The following SWAP70 variants were observed in gnomAD, a reference collection of about 807,000 sequenced individuals.
SWAP70 encodes switching B cell complex subunit SWAP70, also known as switch-associated protein 70.
In SWAP70, 34 loss-of-function variants were observed where a neutral mutation model predicts 80.2. The ratio of observed to expected loss-of-function variants is 0.42; its 90% CI spans 0.32 to 0.56. The LOEUF is 0.56. SWAP70 is among the 20% of genes least tolerant of loss of function. SWAP70 has a pLI of 0.09. For synonymous variants in SWAP70, 239 were observed against 238.5 expected, an observed-to-expected ratio of 1.00 and a Z score of -0.02; for missense variants, 578 against 690.7, an observed-to-expected ratio of 0.84 and a Z score of 1.83.
At chr11:9,743,440 G>A (rs1477908853) in intron 9 of SWAP70, among the ~76,000 whole-genome samples, 4 of 151,764 alleles carry the variant, frequency 2.6e-5, no homozygotes, top group Non-Finnish European at 4.4e-5. Flanking sequence ...GGGTCAAATG[G>A]TATTTCTAAT....
At chr11:9,671,557 TATAAATATATTTATATAG>T (rs1346745564) in intron 1 of SWAP70, among the ~76,000 whole-genome samples, 4 of 84,074 alleles carry the variant, frequency 4.8e-5, no homozygotes, top group Admixed American at 1.9e-4. Context: ...TAGAAATATA[TATAAATATATTTATATAG>T]AAATATATTT....
intron 3 of SWAP70, among the ~76,000 whole-genome samples, chr11:9,714,286 T>A (rs933405850): frequency 5.3e-5 from 8 of 152,104 alleles, no homozygotes; most frequent in African/African-American, 1.7e-4. Flanking sequence ...TAAAAAAAAG[T>A]CATCTATAAT....
chr11:9,714,636 G>A (rs1851041312), intron 3 of SWAP70, among the ~76,000 whole-genome samples: 1 of 152,128 alleles, frequency 6.6e-6, no homozygotes, highest in Admixed American at 6.5e-5. Flanking sequence ...TTGGCCAATA[G>A]TGAAGGCAGA....
intron 3 of SWAP70, among the ~76,000 whole-genome samples, chr11:9,723,413 C>G (rs1235528987): frequency 6.6e-6 from 1 of 152,148 alleles, no homozygotes; most frequent in East Asian, 1.9e-4. Flanking sequence ...AAAAAAAATG[C>G]TGGTTGCTGC....
intron 6 of SWAP70, among the ~76,000 whole-genome samples, chr11:9,730,494 C>A (rs930534217): frequency 6.6e-6 from 1 of 152,098 alleles, no homozygotes; most frequent in Non-Finnish European, 1.5e-5. Flanking sequence ...TGTGTATGCA[C>A]ACACTACAAC....
At chr11:9,727,605 C>T (rs1187028183) in intron 4 of SWAP70, among the ~76,000 whole-genome samples, 1 of 152,170 alleles carries the variant, frequency 6.6e-6, no homozygotes, top group Non-Finnish European at 1.5e-5. Context: ...GTATAATGAA[C>T]TCCCACATAT....
chr11:9,739,293 A>G (rs1318883703), intron 8 of SWAP70, among the ~76,000 whole-genome samples: 1 of 152,170 alleles, frequency 6.6e-6, no homozygotes, highest in African/African-American at 2.4e-5. Flanking sequence ...TGCATGTGAC[A>G]TTTCCTCTAG....
intron 7 of SWAP70, among the ~76,000 whole-genome samples, chr11:9,733,146 A>G (rs1035798688): frequency 6.6e-6 from 1 of 152,192 alleles, no homozygotes; most frequent in Non-Finnish European, 1.5e-5. Context: ...GTTTGGAGTT[A>G]AAGATACAGT....
At chr11:9,683,954 G>A (rs1850600124) in intron 1 of SWAP70, among the ~76,000 whole-genome samples, 1 of 152,166 alleles carries the variant, frequency 6.6e-6, no homozygotes, top group African/African-American at 2.4e-5. Context: ...AGGTTGGTGA[G>A]AAGGTGGGGC....
chr11:9,671,200 T>A (rs1480345952), intron 1 of SWAP70, among the ~76,000 whole-genome samples: 1 of 94,300 alleles, frequency 1.1e-5, no homozygotes, highest in African/African-American at 4.5e-5. Flanking sequence ...ATAAAATATA[T>A]TTATAAATAT....
chr11:9,690,647 G>A (rs563748064), intron 1 of SWAP70, among the ~76,000 whole-genome samples: 1 of 152,022 alleles, frequency 6.6e-6, no homozygotes, highest in African/African-American at 2.4e-5. Flanking sequence ...GGCACTTTGG[G>A]AGGCTGAGGT....
intron 4 of SWAP70, among the ~76,000 whole-genome samples, chr11:9,726,408 T>C (rs1851226101): frequency 6.6e-6 from 1 of 152,214 alleles, no homozygotes; most frequent in Non-Finnish European, 1.5e-5. Flanking sequence ...TTCTTTTTTT[T>C]CCTAATGGAG....
chr11:9,676,723 T>C (rs572894679), intron 1 of SWAP70, among the ~76,000 whole-genome samples: 124 of 151,426 alleles, frequency 8.2e-4, no homozygotes, highest in African/African-American at 2.7e-3. Flanking sequence ...AATCTCGGCT[T>C]ACTGCAAGCT....
intron 6 of SWAP70, among the ~76,000 whole-genome samples, chr11:9,731,182 TA>T (rs1351573353): frequency 4.6e-5 from 7 of 152,188 alleles, no homozygotes; most frequent in Non-Finnish European, 7.4e-5. Context: ...TGGTAAAGAA[TA>T]AAATGCAATA....
intron 1 of SWAP70, among the ~76,000 whole-genome samples, chr11:9,671,690 ATATATTTC>A (rs1850402666): frequency 9.1e-6 from 1 of 110,306 alleles, no homozygotes; most frequent in African/African-American, 3.7e-5. Context: ...AAATATATAA[ATATATTTC>A]TATGTATACA....
In SWAP70 at chr11:9,676,648, GT is replaced by G. The variant is rs776925174; in HGVS notation, c.99+12389del. 3.6e-3 allele frequency among the ~76,000 whole-genome samples: 485 copies of G among 135,358 alleles called. 2 individuals carry two copies. The highest frequency in any genetic ancestry group is 9.9e-3 in the African/African-American group (367 of 37,070). The allele number at this position is 135,358 out of a possible 152,430, so 88.8% of individuals were successfully genotyped here. On this transcript the variant is annotated intron_variant, in intron 1 of 11. Coordinates refer to ENST00000318950, the MANE Select transcript of SWAP70 (RefSeq NM_015055.4). Reference sequence around the variant, plus strand: ...TTTGCCCATGTTAAGTATAGATGCAGTTTTTTTTTTTTTTTTTTTGAGACGG... The same window carrying G: ...TTTGCCCATGTTAAGTATAGATGCAGTTTTTTTTTTTTTTTTTTGAGACGG...
At chr11:9,670,635 G>C (rs1047256226) in intron 1 of SWAP70, among the ~76,000 whole-genome samples, 7 of 152,020 alleles carry the variant, frequency 4.6e-5, no homozygotes, top group Admixed American at 4.6e-4. Context: ...AAAAGCAGAG[G>C]ACCAGAAATC....
At chr11:9,707,815 C>A (rs1360661842) in intron 2 of SWAP70, among the ~76,000 whole-genome samples, 1 of 152,092 alleles carries the variant, frequency 6.6e-6, no homozygotes, top group Non-Finnish European at 1.5e-5. Flanking sequence ...GTTGGCCTCC[C>A]AAAGTGTTGG....
At chr11:9,670,039 A>G (rs1033859508) in intron 1 of SWAP70, among the ~76,000 whole-genome samples, 1 of 152,160 alleles carries the variant, frequency 6.6e-6, no homozygotes, top group Non-Finnish European at 1.5e-5. Flanking sequence ...AGGCAGGAGA[A>G]TCACTTGAAC....
Sources: allele counts gnomAD v4.1 joint callset (sites outside exome capture counted in the v4.1 genomes callset), GRCh38; gene constraint gnomAD v4.1.1; transcripts MANE v1.5; gene names NCBI Gene and HGNC (gene_info 2026-07-23, HGNC 2026-07-21).